Variants in CRACDL observed in about 807,000 individuals in gnomAD.
CRACDL encodes the protein CRACD-like protein.
In CRACDL, 26 loss-of-function variants were observed where a neutral mutation model predicts 70.6. The observed-to-expected ratio is 0.37, with a 90% CI of 0.27 to 0.51. The LOEUF (loss-of-function observed/expected upper bound fraction) is 0.51. Ranked by LOEUF, CRACDL falls within the 20% of genes least tolerant of loss-of-function variation. The pLI is 0.94. For missense variants in CRACDL, 1,283 were observed against 1,376.9 expected (o/e 0.93, Z 1.08); for synonymous variants, 618 against 615.2 (o/e 1.00, Z -0.07).
rs1705340111 is a variant in CRACDL at position 98,827,173 on chromosome 2, C to T, written c.541-4G>A. ...GGTCTGGAGACACGACAGAGACCTT[C>T]GTGGGACAAGGAACAAACACACGGA... On this transcript the variant is annotated splice_polypyrimidine_tract_variant and splice_region_variant and intron_variant, in intron 5 of 9. Transcript: ENST00000397899. The T allele has an allele frequency of 5.6e-6, 9 of 1,610,244 alleles. No individual in the cohort carries two copies. The East Asian group carries it at 8.9e-5, about 16-fold the overall frequency.
At chr2:98,897,803 T>C (rs757690201) in intron 1 of CRACDL, among the ~76,000 whole-genome samples, 6 of 152,226 alleles carry the variant, frequency 3.9e-5, no homozygotes, top group Admixed American at 6.5e-5. Context: ...ACTGGATGCC[T>C]GCCTGTGCAC....
chr2:98,917,091 G>A (rs1216268553), intron 1 of CRACDL, among the ~76,000 whole-genome samples: 1 of 152,104 alleles, frequency 6.6e-6, no homozygotes, highest in Non-Finnish European at 1.5e-5. Flanking sequence ...CTCCGGCTCG[G>A]CCCACTATCC....
chr2:98,893,312 CT>C (rs1286082814), intron 1 of CRACDL, among the ~76,000 whole-genome samples: 1 of 151,860 alleles, frequency 6.6e-6, no homozygotes, highest in Non-Finnish European at 1.5e-5. Flanking sequence ...TTAGACGAGT[CT>C]CGCTCTGTTG....
intron 1 of CRACDL, among the ~76,000 whole-genome samples, chr2:98,850,835 A>T (rs1706452964): frequency 6.6e-6 from 1 of 152,088 alleles, no homozygotes; most frequent in Non-Finnish European, 1.5e-5. Flanking sequence ...CCTCCACCCT[A>T]ACTGACCACA....
At chr2:98,864,319 T>C (rs561398629) in intron 1 of CRACDL, among the ~76,000 whole-genome samples, 1 of 152,254 alleles carries the variant, frequency 6.6e-6, no homozygotes, top group African/African-American at 2.4e-5. Flanking sequence ...AAAGGCCACA[T>C]ACTGCATGAT....
In CRACDL at chr2:98,822,560, C is replaced by A. The variant is rs887038798; in HGVS notation, c.1713G>T (p.Ala571=). 4 of 1,465,230 alleles carry A rather than the reference C, an allele frequency of 2.7e-6. No individual in the cohort carries two copies. In the African/African-American group the frequency reaches 5.9e-5, roughly 22 times the overall value. The allele number at this position is 1,465,230 out of a possible 1,614,324, so 90.8% of individuals were successfully genotyped here. A position where few individuals can be genotyped will look rare whatever the true frequency, so the allele number is the denominator to read the frequency against. ...GGCACGAGGACACCGAGAACTTCTTCGCGCCTCGCAGCTCGGCACCGCCCC... is the reference window on the plus strand; with the variant it reads ...GGCACGAGGACACCGAGAACTTCTTAGCGCCTCGCAGCTCGGCACCGCCCC... ...AERGGAELRG[A]KKFSVSSCRA... The change falls in exon 7 of 10, where the codon GCG becomes GCT. Residue 571 remains alanine (A), a synonymous_variant. Transcript: ENST00000397899. This position sits in a 1 kb window ranked among gnomAD's most constrained non-coding sequence, Gnocchi z 4.9.
chr2:98,848,925 C>T (rs1395246652), intron 1 of CRACDL, among the ~76,000 whole-genome samples: 1 of 152,192 alleles, frequency 6.6e-6, no homozygotes, highest in African/African-American at 2.4e-5. Context: ...TATTAACTTG[C>T]CTAAGGTAGC....
intron 1 of CRACDL, among the ~76,000 whole-genome samples, chr2:98,930,440 G>A (rs7420068): frequency 0.069 from 2,824 of 41,202 alleles, 2 homozygotes; most frequent in African/African-American, 0.12. Context: ...CCCCATCCCC[G>A]TCCCCACCCT....
intron 1 of CRACDL, among the ~76,000 whole-genome samples, chr2:98,925,498 C>A (rs1225555784): frequency 1.3e-5 from 2 of 152,188 alleles, no homozygotes; most frequent in Non-Finnish European, 2.9e-5. Flanking sequence ...ATCATGGCAG[C>A]CCCTGTGTGT....
At chr2:98,897,456 A>C (rs1708159711) in intron 1 of CRACDL, 1 of 1,209,334 alleles carries the variant, frequency 8.3e-7, no homozygotes, top group Non-Finnish European at 1.1e-6. Flanking sequence ...CATTACATGG[A>C]GTATGCAGAA....
chr2:98,861,116 G>A (rs1706917408), intron 1 of CRACDL, among the ~76,000 whole-genome samples: 1 of 152,190 alleles, frequency 6.6e-6, no homozygotes, highest in African/African-American at 2.4e-5. Context: ...GGAGGCCAAG[G>A]CGGGTGGATC....
intron 1 of CRACDL, among the ~76,000 whole-genome samples, chr2:98,900,323 G>A (rs1375672197): frequency 6.9e-6 from 1 of 144,316 alleles, no homozygotes; most frequent in Non-Finnish European, 1.5e-5. Flanking sequence ...GGAGGCAGGG[G>A]GACAAAGGCT....
At chr2:98,819,446 A>G (rs145564065) in intron 7 of CRACDL, among the ~76,000 whole-genome samples, 40 of 152,314 alleles carry the variant, frequency 2.6e-4, no homozygotes, top group African/African-American at 9.4e-4. Flanking sequence ...AATAACCTCA[A>G]TGGAAATCTG....
At position 98,822,333 on chromosome 2, in the gene CRACDL, G is replaced by T. The variant is rs537062302; in HGVS notation, c.1940C>A (p.Pro647Gln). Residue 647 changes from proline (P) to glutamine (Q), a missense_variant, in exon 7 of 10, where the codon CCG becomes CAG. Physicochemically the swap from Pro to Gln is moderately conservative, Grantham distance 76. Around this residue, in one of 2 missense-constraint regions of CRACDL, gnomAD observed 921 missense variants for 881.9 expected, o/e 1.04. Transcript: ENST00000397899. The surrounding 1 kb of genome is among the most constrained non-coding windows in gnomAD (Gnocchi z 4.9). The stretch of plus-strand genomic sequence containing the variant: ...CTGAGGGCTCTTGCGCGGCCCGGCC[G>T]GGCTGGCCGCCCTGTCCCCCGAGTC... ...PQDSGDRAAS[P>Q]AGPRKSPQEA... is the part of the protein sequence containing the mutation. 5 of 1,457,750 alleles carry T rather than the reference G, an allele frequency of 3.4e-6. No individual in the cohort carries two copies. The African/African-American group carries it at 7.5e-5, about 22-fold the overall frequency. The allele number at this position is 1,457,750 out of a possible 1,614,324, so 90.3% of individuals were successfully genotyped here.
intron 1 of CRACDL, chr2:98,869,046 C>T (rs1477264532): frequency 1.6e-6 from 2 of 1,285,448 alleles, no homozygotes; most frequent in South Asian, 2.5e-5. Flanking sequence ...CGCGACTCTC[C>T]CCCACCACCT....
At chr2:98,892,547 G>C (rs546317915) in intron 1 of CRACDL, among the ~76,000 whole-genome samples, 4 of 151,744 alleles carry the variant, frequency 2.6e-5, no homozygotes, top group African/African-American at 9.7e-5. Context: ...AAAATTAGCC[G>C]GGTGTGGCGG....
chr2:98,861,573 T>C (rs1227915227), intron 1 of CRACDL, among the ~76,000 whole-genome samples: 1 of 152,162 alleles, frequency 6.6e-6, no homozygotes, highest in Non-Finnish European at 1.5e-5. Flanking sequence ...ATTACATTCC[T>C]AGATATCTAC....
At chr2:98,876,215 T>C (rs563250145) in intron 1 of CRACDL, among the ~76,000 whole-genome samples, 7 of 152,362 alleles carry the variant, frequency 4.6e-5, no homozygotes, top group African/African-American at 1.7e-4. Flanking sequence ...AAAATATAGG[T>C]AATATTTAGA....
rs898944860 is a variant in CRACDL at position 98,892,265 on chromosome 2, A to C, written c.-11+43673T>G. 1.4e-4 allele frequency among the ~76,000 whole-genome samples: 22 copies of C among 152,356 alleles called. 1 individual carries two copies. In the South Asian group the frequency reaches 3.1e-3, roughly 22 times the overall value. ...TATTCCCAGCAGTCAGGTTTGTATT[A>C]AAAAATTATACATATCATAAATATT... On this transcript the variant is annotated intron_variant, in intron 1 of 9. Transcript: ENST00000397899.
Sources: gnomAD v4.1 joint callset for allele counts (sites outside exome capture counted in the v4.1 genomes callset) on GRCh38, gnomAD v4.1.1 for gene constraint, gnomAD v4.1.1 regional missense constraint, Gnocchi (gnomAD v3.1) non-coding constraint, MANE v1.5 for transcripts, NCBI Gene and HGNC (gene_info 2026-07-23, HGNC 2026-07-21) for gene names.